ATP8A2: variants seen among roughly 807,000 people sequenced by gnomAD.
ATP8A2 encodes the protein ATPase phospholipid transporting 8A2.
A neutral mutation model predicts 165.6 loss-of-function variants in ATP8A2; 100 were observed. That is an observed-to-expected ratio of 0.60 (90% CI 0.51 to 0.71). ATP8A2 has a LOEUF of 0.71. Ranked by LOEUF, ATP8A2 falls within the 30% of genes least tolerant of loss-of-function variation. The pLI is 0.00. For synonymous variants in ATP8A2, 543 were observed against 548.8 expected (o/e 0.99, Z 0.15); for missense variants, 1,227 against 1,479.5 (o/e 0.83, Z 2.80).
At chr13:25,531,336 GTT>G (rs1491095724) in intron 4 of ATP8A2, among the ~76,000 whole-genome samples, 3 of 127,526 alleles carry the variant, frequency 2.4e-5, no homozygotes, top group African/African-American at 9.3e-5. Flanking sequence ...ATATATATAT[GTT>G]ATATATGATA....
At chr13:25,773,388 C>A (rs2044668608) in intron 26 of ATP8A2, among the ~76,000 whole-genome samples, 1 of 152,168 alleles carries the variant, frequency 6.6e-6, no homozygotes, top group Non-Finnish European at 1.5e-5. Flanking sequence ...TTCCCTCCCT[C>A]CAGCGCAAGG....
chr13:25,690,928 C>G (rs2042710482), intron 24 of ATP8A2, among the ~76,000 whole-genome samples: 1 of 152,150 alleles, frequency 6.6e-6, no homozygotes, highest in African/African-American at 2.4e-5. Flanking sequence ...ATAATATCCT[C>G]AAAGTGGAAA....
At chr13:25,533,488 G>A (rs2038183281) in intron 6 of ATP8A2, among the ~76,000 whole-genome samples, 175 bp downstream of exon 6, 2 of 152,296 alleles carry the variant, frequency 1.3e-5, no homozygotes, top group Non-Finnish European at 2.9e-5. Context: ...AGGGCCCAAT[G>A]TGTCACTTCA....
rs537150762 is a variant in ATP8A2 at position 25,508,585 on chromosome 13, G to A, written c.222-21414G>A. The stretch of plus-strand genomic sequence containing the variant: ...AATGGCATAATGTCTCATACTTGTG[G>A]AACTTTGGCAACCCTCTGATTATGT... On this transcript the variant is annotated intron_variant, in intron 2 of 36. Coordinates refer to ENST00000381655, the MANE Select transcript of ATP8A2 (RefSeq NM_016529.6). 3.3e-5 allele frequency among the ~76,000 whole-genome samples: 5 copies of A among 152,326 alleles called. No homozygotes were observed. In the East Asian group the frequency reaches 7.7e-4, roughly 23 times the overall value.
Position 25,903,383 on chromosome 13 carries a change from A to G in ATP8A2, c.3183+40975A>G, listed in dbSNP as rs116729011. 4.1e-3 allele frequency among the ~76,000 whole-genome samples: 621 copies of G among 151,406 alleles called. 2 individuals are homozygous for G. Among genetic ancestry groups the G allele is most frequent in the African/African-American group, 0.014 (588 of 41,212 alleles). On this transcript the variant is annotated intron_variant, in intron 33 of 36. Transcript: ENST00000381655. ...GGCTCTCTTCTTTCCCTTCACCTCA[A>G]TCTCACATGTCACTTCCCACTAACC...
intron 25 of ATP8A2, among the ~76,000 whole-genome samples, chr13:25,764,261 G>C (rs1271839159): frequency 6.6e-6 from 1 of 152,088 alleles, no homozygotes; most frequent in Non-Finnish European, 1.5e-5. Context: ...CTTCTTATTT[G>C]AGACACTCAG....
chr13:25,530,523 A>G (rs1247263707), intron 3 of ATP8A2, 39 bp from the exon 4 acceptor site: 1 of 1,242,854 alleles, frequency 8.0e-7, no homozygotes, highest in African/African-American at 1.5e-5. Flanking sequence ...GAGGATTTTT[A>G]ATGTGCCAAC....
In ATP8A2 at chr13:25,863,076, C is replaced by T. The variant is rs75502686; in HGVS notation, c.3183+668C>T. Among the ~76,000 whole-genome samples the T allele has an allele frequency of 2.5e-3, 374 of 152,200 alleles. 3 individuals carry two copies. Among genetic ancestry groups the T allele is most frequent in the African/African-American group, 7.9e-3 (328 of 41,526 alleles). ...GAGCTGACAGTCCTCTGGTACACAC[C>T]TCCTCAGTTTACCAAGGAAGCTGTG... On this transcript the variant is annotated intron_variant, in intron 33 of 36. Coordinates refer to ENST00000381655, the MANE Select transcript of ATP8A2 (RefSeq NM_016529.6).
chr13:25,862,726 GA>G (rs989148508), intron 33 of ATP8A2, among the ~76,000 whole-genome samples: 5 of 152,136 alleles, frequency 3.3e-5, no homozygotes, highest in Admixed American at 6.5e-5. Context: ...TGTACAGTTG[GA>G]AAACTGGAGC....
chr13:25,954,530 A>G (rs908621901), intron 33 of ATP8A2, among the ~76,000 whole-genome samples: 5 of 152,202 alleles, frequency 3.3e-5, no homozygotes, highest in Non-Finnish European at 7.3e-5. Context: ...TGCCTCCTCA[A>G]GTGGATTCCT....
At chr13:25,606,354 T>C (rs761040732) in intron 24 of ATP8A2, among the ~76,000 whole-genome samples, 15 of 152,196 alleles carry the variant, frequency 9.9e-5, no homozygotes, top group Non-Finnish European at 1.5e-5. Context: ...AATTTTCCAA[T>C]CTTAATTGTA....
rs141397372 is a variant in ATP8A2 at position 25,975,780 on chromosome 13, G to C, written c.3377+7101G>C. The stretch of plus-strand genomic sequence containing the variant: ...ACATAAAGCAAATCCCAGGCATCAC[G>C]ACAGTCCACCTATGCTTTAGGAGGC... On this transcript the variant is annotated intron_variant, in intron 35 of 36. Transcript: ENST00000381655. Among the ~76,000 whole-genome samples the C allele has an allele frequency of 1.5e-3, 225 of 152,120 alleles. 6 individuals carry two copies. In the East Asian group the frequency reaches 0.039, roughly 26 times the overall value.
intron 1 of ATP8A2, among the ~76,000 whole-genome samples, chr13:25,408,979 C>T (rs1202044920): frequency 1.3e-5 from 2 of 152,156 alleles, no homozygotes; most frequent in East Asian, 1.9e-4. Context: ...ATTTTAGTAC[C>T]TTCAATTATA....
At chr13:25,767,310 G>A (rs1448132481) in intron 25 of ATP8A2, among the ~76,000 whole-genome samples, 1 of 152,206 alleles carries the variant, frequency 6.6e-6, no homozygotes, top group Non-Finnish European at 1.5e-5. Context: ...TAAAGCTCCA[G>A]TAACTTTCTT....
intron 27 of ATP8A2, among the ~76,000 whole-genome samples, chr13:25,784,405 C>T (rs893796231): frequency 3.9e-5 from 6 of 152,194 alleles, no homozygotes; most frequent in Non-Finnish European, 5.9e-5. Flanking sequence ...CTTCACCTCA[C>T]GAATTCCAAT....
In ATP8A2 at chr13:25,953,685, G is replaced by A. The variant is rs578072610; in HGVS notation, c.3184-7890G>A. 7.9e-5 allele frequency among the ~76,000 whole-genome samples: 12 copies of A among 152,048 alleles called. No homozygotes were observed. The highest frequency in any genetic ancestry group is 1.6e-4 in the Non-Finnish European group (11 of 68,020). On this transcript the variant is annotated intron_variant, in intron 33 of 36. Transcript: ENST00000381655. The surrounding 1 kb of genome is among the most constrained non-coding windows in gnomAD (Gnocchi z 6.7). ...TCTCACTGGGACTGGTTAGATAGTG[G>A]GTGCAGCCCACGGAGGGCAAGCCGA... is the stretch of plus-strand genomic sequence containing the variant.
chr13:25,937,957 A>G (rs1954961584), intron 33 of ATP8A2, among the ~76,000 whole-genome samples: 1 of 151,678 alleles, frequency 6.6e-6, no homozygotes, highest in African/African-American at 2.4e-5. Flanking sequence ...CAGCTTTAAG[A>G]TGGGAAAATG....
chr13:26,011,412 T>C (rs1269025543), intron 35 of ATP8A2, among the ~76,000 whole-genome samples: 1 of 152,194 alleles, frequency 6.6e-6, no homozygotes, highest in Non-Finnish European at 1.5e-5. Context: ...TCATTTCACC[T>C]TAATTACCAC....
intron 2 of ATP8A2, among the ~76,000 whole-genome samples, chr13:25,478,954 T>A (rs2137567957): frequency 6.6e-6 from 1 of 152,238 alleles, no homozygotes; most frequent in South Asian, 2.1e-4. Context: ...TTCAAGTGAT[T>A]CCCCTGCCTC....
Sources: allele counts gnomAD v4.1 joint callset (sites outside exome capture counted in the v4.1 genomes callset), GRCh38; gene constraint gnomAD v4.1.1; non-coding constraint Gnocchi (gnomAD v3.1); transcripts MANE v1.5; gene names NCBI Gene and HGNC (gene_info 2026-07-23, HGNC 2026-07-21).